Variants in ARHGEF7 observed in about 807,000 individuals in gnomAD.
ARHGEF7 encodes PAK-interacting exchange factor beta.
A neutral mutation model predicts 109.8 loss-of-function variants in ARHGEF7; 33 were observed. The observed-to-expected ratio is 0.30, with a 90% CI of 0.23 to 0.40. The LOEUF (loss-of-function observed/expected upper bound fraction) is 0.40. Among genes scored for constraint, ARHGEF7 ranks in the 10% least tolerant of loss-of-function variants. The probability of loss-of-function intolerance (pLI) is 1.00; values close to 1 mark genes in which losing one functional copy is unlikely to be tolerated. For missense variants in ARHGEF7, 938 were observed against 1,098.5 expected (o/e 0.85, Z 2.07); for synonymous variants, 458 against 424.6 (o/e 1.08, Z -0.97).
At chr13:111,221,412 GATGTCTATATATCT>G (rs1566873164) in intron 5 of ARHGEF7, among the ~76,000 whole-genome samples, 17 of 16,002 alleles carry the variant, frequency 1.1e-3, no homozygotes, top group Admixed American at 2.0e-3. Flanking sequence ...TATATATATA[GATGTCTATATATCT>G]ATATATAGAT....
intron 2 of ARHGEF7, chr13:111,203,153 G>T: frequency 8.1e-7 from 1 of 1,232,372 alleles, no homozygotes. Context: ...TCTTTTTGTA[G>T]TATACAAAAT....
intron 5 of ARHGEF7, among the ~76,000 whole-genome samples, chr13:111,229,271 C>CT: frequency 6.6e-6 from 1 of 152,282 alleles, no homozygotes; most frequent in African/African-American, 2.4e-5. Context: ...TACTAGATGT[C>CT]TTATTTTGCC....
chr13:111,200,961 T>C, intron 2 of ARHGEF7, among the ~76,000 whole-genome samples: 1 of 152,234 alleles, frequency 6.6e-6, no homozygotes. Context: ...CTGAAGACAT[T>C]TTTTTCTTCT....
intron 17 of ARHGEF7, among the ~76,000 whole-genome samples, chr13:111,287,998 C>T (rs989953980): frequency 6.6e-6 from 1 of 152,202 alleles, no homozygotes; most frequent in Non-Finnish European, 1.5e-5. Context: ...CGAGATTGGA[C>T]ATTTTTTCTT....
chr13:111,190,728 G>A (rs2079785076), intron 2 of ARHGEF7, among the ~76,000 whole-genome samples: 1 of 152,314 alleles, frequency 6.6e-6, no homozygotes, highest in South Asian at 2.1e-4. Context: ...TTAATGTTGG[G>A]ACTTAGAAAG....
intron 2 of ARHGEF7, among the ~76,000 whole-genome samples, chr13:111,161,556 A>G (rs1199272755): frequency 1.3e-5 from 2 of 152,196 alleles, no homozygotes; most frequent in Non-Finnish European, 2.9e-5. Context: ...AATAGCTGTT[A>G]TTATCATTTG....
At position 111,244,196 on chromosome 13, in the gene ARHGEF7, T is replaced by C. The variant is rs2088353932; in HGVS notation, c.855-3T>C. 1.3e-6 allele frequency: 2 copies of C among 1,581,776 alleles called. No homozygotes were observed. Among genetic ancestry groups the C allele is most frequent in the Non-Finnish European group, 1.7e-6 (2 of 1,161,444 alleles). On this transcript the variant is annotated splice_polypyrimidine_tract_variant and splice_region_variant and intron_variant, in intron 7 of 21. Transcript: ENST00000646102. ...TGTTTACTGTTATTTTTCTTGGCTC[T>C]AGGTTAAGTTCAGCAAACATTTCAT... is the stretch of plus-strand genomic sequence containing the variant.
chr13:111,293,593 G>A (rs1197813804), intron 19 of ARHGEF7: 5 of 985,222 alleles, frequency 5.1e-6, no homozygotes, highest in Middle Eastern at 5.2e-4. Flanking sequence ...TGCTTGAGGG[G>A]CCAAATTGTG....
chr13:111,134,806 C>T (rs1566608683), intron 1 of ARHGEF7, among the ~76,000 whole-genome samples: 1 of 152,154 alleles, frequency 6.6e-6, no homozygotes, highest in East Asian at 1.9e-4. Flanking sequence ...AATTAGATCC[C>T]ATTTGTCAAT....
intron 16 of ARHGEF7, among the ~76,000 whole-genome samples, 164 bp from the exon 17 acceptor site, chr13:111,285,983 C>T (rs2093002288): frequency 6.6e-6 from 1 of 151,812 alleles, no homozygotes; most frequent in African/African-American, 2.4e-5. Context: ...TAAAAATTAA[C>T]GTTCAGAAGC....
At chr13:111,282,215 T>C (rs1054274634) in intron 15 of ARHGEF7, among the ~76,000 whole-genome samples, 2 of 151,948 alleles carry the variant, frequency 1.3e-5, no homozygotes, top group African/African-American at 2.4e-5. Flanking sequence ...CAGCCTGTGT[T>C]TTGAAGGTCG....
intron 2 of ARHGEF7, among the ~76,000 whole-genome samples, chr13:111,166,410 T>G (rs1462433370): frequency 6.6e-6 from 1 of 152,084 alleles, no homozygotes; most frequent in East Asian, 1.9e-4. Context: ...GATGTAAGTT[T>G]TAACAGGATC....
intron 2 of ARHGEF7, among the ~76,000 whole-genome samples, chr13:111,165,015 T>C (rs1177529011): frequency 6.6e-6 from 1 of 152,132 alleles, no homozygotes; most frequent in African/African-American, 2.4e-5. Flanking sequence ...TCTCCAGTGT[T>C]GGGATGATAA....
At chr13:111,296,637 G>C (rs1315906985) in intron 19 of ARHGEF7, among the ~76,000 whole-genome samples, 1 of 152,176 alleles carries the variant, frequency 6.6e-6, no homozygotes, top group Non-Finnish European at 1.5e-5. Context: ...AGCTGATCTA[G>C]CACTTCTCAA....
intron 12 of ARHGEF7, chr13:111,276,073 A>G (rs2092461416): frequency 5.0e-6 from 1 of 201,424 alleles, no homozygotes; most frequent in Non-Finnish European, 1.1e-5. Context: ...GGGTCATTAT[A>G]CTTTCCTGTG....
At chr13:111,136,793 A>C (rs1303962548) in intron 1 of ARHGEF7, among the ~76,000 whole-genome samples, 7 of 152,336 alleles carry the variant, frequency 4.6e-5, no homozygotes, top group Admixed American at 4.6e-4. Context: ...TCAAAAAATC[A>C]ATGAATCCAG....
chr13:111,212,064 T>C, intron 4 of ARHGEF7, among the ~76,000 whole-genome samples: 1 of 152,346 alleles, frequency 6.6e-6, no homozygotes, highest in East Asian at 1.9e-4. Flanking sequence ...TAAGAATGTG[T>C]CCTCCAGCCA....
intron 19 of ARHGEF7, among the ~76,000 whole-genome samples, chr13:111,296,104 C>T (rs894453314): frequency 2.0e-5 from 3 of 152,138 alleles, no homozygotes; most frequent in South Asian, 2.1e-4. Context: ...GTGGTGGTCG[C>T]GAGCTGGCAC....
chr13:111,149,968 C>A (rs1193443965), intron 1 of ARHGEF7, among the ~76,000 whole-genome samples: 1 of 152,206 alleles, frequency 6.6e-6, no homozygotes, highest in African/African-American at 2.4e-5. Context: ...TTTACCCTAT[C>A]AACCTTAGCT....
Sources: gnomAD v4.1 joint callset for allele counts (sites outside exome capture counted in the v4.1 genomes callset) on GRCh38, gnomAD v4.1.1 for gene constraint, MANE v1.5 for transcripts, NCBI Gene and HGNC (gene_info 2026-07-23, HGNC 2026-07-21) for gene names.